PRKCB: variants seen among roughly 807,000 people sequenced by gnomAD.
The protein encoded by PRKCB is protein kinase C beta.
PRKCB carries 13 observed loss-of-function variants against 81.5 expected under a neutral mutation model. The observed-to-expected ratio is 0.16, with a 90% confidence interval of 0.10 to 0.25. The LOEUF is 0.25. PRKCB is among the 10% of genes least tolerant of loss of function. The pLI, the probability that PRKCB is intolerant of heterozygous loss-of-function variation, is 1.00. For synonymous variants in PRKCB, 335 were observed against 321.4 expected (o/e 1.04, Z -0.45); for missense variants, 509 against 875.7 (o/e 0.58, Z 5.29).
At chr16:24,182,873 T>TTGTGTGTGTGTGTGTGTGTGTGTG (rs10524225) in intron 13 of PRKCB, among the ~76,000 whole-genome samples, 12,366 of 133,200 alleles carry the variant, frequency 0.093, 814 homozygotes, top group South Asian at 0.11. Flanking sequence ...ACATTGTTTC[T>TTGTGTGTGTGTGTGTGTGTGTGTG]TGTGTGTGTG....
intron 2 of PRKCB, among the ~76,000 whole-genome samples, chr16:23,929,111 T>C (rs1245376320): frequency 6.6e-6 from 1 of 151,982 alleles, no homozygotes; most frequent in Non-Finnish European, 1.5e-5. Context: ...CTTAAGAGGG[T>C]GCTGCATAAG....
At chr16:23,973,029 T>G (rs1314505187) in intron 2 of PRKCB, among the ~76,000 whole-genome samples, 1 of 152,170 alleles carries the variant, frequency 6.6e-6, no homozygotes, top group Non-Finnish European at 1.5e-5. Flanking sequence ...ACTCCATGAG[T>G]AGGTACTCTT....
rs181663089 is a variant in PRKCB, at chr16:24,053,885, T to C, written c.529+18338T>C. ...ACAGAGAGGCAGCTGCTGAGGGCTATGTGATTCTTGGGAGGGAATTTGTCT... is the reference window on the plus strand; with the variant it reads ...ACAGAGAGGCAGCTGCTGAGGGCTACGTGATTCTTGGGAGGGAATTTGTCT... On this transcript the variant is annotated intron_variant, in intron 5 of 16. Coordinates refer to ENST00000643927, the MANE Select transcript of PRKCB (RefSeq NM_002738.7). 9.7e-4 allele frequency among the ~76,000 whole-genome samples: 147 copies of C among 152,330 alleles called. 1 individual carries two copies. The highest frequency in any genetic ancestry group is 3.4e-3 in the African/African-American group (143 of 41,572).
intron 2 of PRKCB, among the ~76,000 whole-genome samples, chr16:23,907,332 C>T (rs1414870166): frequency 6.6e-6 from 1 of 152,254 alleles, no homozygotes; most frequent in Non-Finnish European, 1.5e-5. Context: ...CCATGCAGTG[C>T]ATGATGTGAT....
chr16:24,019,513 T>C (rs1006663467), intron 3 of PRKCB, among the ~76,000 whole-genome samples: 3 of 152,180 alleles, frequency 2.0e-5, no homozygotes, highest in Non-Finnish European at 4.4e-5. Flanking sequence ...CCTGTAATCC[T>C]AGCATTCTGG....
chr16:24,188,339 C>T (rs1169918299), intron 15 of PRKCB, among the ~76,000 whole-genome samples: 1 of 152,150 alleles, frequency 6.6e-6, no homozygotes, highest in Non-Finnish European at 1.5e-5. Context: ...CCAGGGGATA[C>T]GTCTGGGAGG....
intron 16 of PRKCB, among the ~76,000 whole-genome samples, chr16:24,205,829 A>C (rs542026994): frequency 6.6e-6 from 1 of 152,322 alleles, no homozygotes; most frequent in African/African-American, 2.4e-5. Context: ...TGTATTAATA[A>C]TTATAGACTG....
intron 5 of PRKCB, among the ~76,000 whole-genome samples, chr16:24,041,291 A>G (rs12446155): frequency 0.21 from 32,198 of 151,862 alleles, 3,798 homozygotes; most frequent in South Asian, 0.38. Context: ...TGACCTCATG[A>G]TTTGCCCACC....
intron 9 of PRKCB, among the ~76,000 whole-genome samples, chr16:24,132,594 A>G (rs1019449347): frequency 6.6e-6 from 1 of 152,180 alleles, no homozygotes; most frequent in Non-Finnish European, 1.5e-5. Context: ...AGGCTCTGTT[A>G]TAAGTGCTTA....
At chr16:24,170,184 G>C (rs1418243595) in intron 10 of PRKCB, among the ~76,000 whole-genome samples, 2 of 152,106 alleles carry the variant, frequency 1.3e-5, no homozygotes, top group African/African-American at 4.8e-5. Flanking sequence ...ATTTTTGTTG[G>C]TTTTGTTCAC....
chr16:23,938,465 A>T (rs1185794466), intron 2 of PRKCB, among the ~76,000 whole-genome samples: 1 of 152,218 alleles, frequency 6.6e-6, no homozygotes, highest in Admixed American at 6.5e-5. Flanking sequence ...ATTAAACATA[A>T]TATTGAGTCC....
chr16:24,202,050 A>AG (rs1491228590), intron 16 of PRKCB, among the ~76,000 whole-genome samples: 1 of 148,254 alleles, frequency 6.7e-6, no homozygotes, highest in Admixed American at 6.7e-5. Context: ...AAAAAAAAAA[A>AG]GAAAAAAAGA....
intron 2 of PRKCB, among the ~76,000 whole-genome samples, chr16:23,920,668 T>C (rs762761998): frequency 1.3e-5 from 2 of 152,084 alleles, no homozygotes; most frequent in Admixed American, 6.5e-5. Context: ...CTGCATACTC[T>C]TGGGGAGAAG....
intron 3 of PRKCB, among the ~76,000 whole-genome samples, chr16:24,027,558 G>T (rs1473079485): frequency 2.0e-5 from 3 of 152,156 alleles, no homozygotes; most frequent in African/African-American, 7.2e-5. Context: ...AGCACTCAGG[G>T]TCCCACTGGC....
intron 7 of PRKCB, among the ~76,000 whole-genome samples, chr16:24,112,057 G>A (rs146908257): frequency 5.6e-4 from 86 of 152,314 alleles, no homozygotes; most frequent in African/African-American, 2.0e-3. Context: ...GGGCTTGTGC[G>A]CTTAACCACT....
At chr16:24,107,035 C>T (rs1966587741) in intron 7 of PRKCB, among the ~76,000 whole-genome samples, 1 of 152,178 alleles carries the variant, frequency 6.6e-6, no homozygotes, top group South Asian at 2.1e-4. Flanking sequence ...AAGCCACTTG[C>T]CAGAAACATT....
chr16:24,051,024 G>A (rs1041360544), intron 5 of PRKCB, among the ~76,000 whole-genome samples: 1 of 152,104 alleles, frequency 6.6e-6, no homozygotes, highest in African/African-American at 2.4e-5. Flanking sequence ...CAGGCTGAGA[G>A]CTTTTGGGTC....
chr16:24,180,557 T>C (rs1384617541), intron 12 of PRKCB, among the ~76,000 whole-genome samples: 2 of 152,148 alleles, frequency 1.3e-5, no homozygotes, highest in African/African-American at 4.8e-5. Context: ...CTTTGTGTCC[T>C]TGTGAGACAC....
At chr16:23,907,127 T>A (rs926654319) in intron 2 of PRKCB, among the ~76,000 whole-genome samples, 4 of 152,178 alleles carry the variant, frequency 2.6e-5, no homozygotes, top group Non-Finnish European at 5.9e-5. Context: ...GTAGGATGTT[T>A]AGCAGCATCC....
Sources: gnomAD v4.1 joint callset for allele counts (sites outside exome capture counted in the v4.1 genomes callset) on GRCh38, gnomAD v4.1.1 for gene constraint, MANE v1.5 for transcripts, NCBI Gene and HGNC (gene_info 2026-07-23, HGNC 2026-07-21) for gene names.